EBF2: variants seen among roughly 807,000 people sequenced by gnomAD.
EBF2 encodes EBF transcription factor 2.
In EBF2, 21 loss-of-function variants were observed where a neutral mutation model predicts 72.8. The ratio of observed to expected loss-of-function variants is 0.29; its 90% CI spans 0.20 to 0.42. EBF2 has a LOEUF of 0.42. EBF2 is among the 10% of genes least tolerant of loss of function. The probability of loss-of-function intolerance (pLI) is 1.00; values close to 1 mark genes in which losing one functional copy is unlikely to be tolerated. For synonymous variants in EBF2, 299 were observed against 274.2 expected, an observed-to-expected ratio of 1.09 and a Z score of -0.89; for missense variants, 637 against 731.2, an observed-to-expected ratio of 0.87 and a Z score of 1.49.
rs761895367 is a variant in EBF2, at chr8:25,945,631, G to A, written c.552-37076C>T. Among the ~76,000 whole-genome samples the A allele has an allele frequency of 1.6e-4, 24 of 151,348 alleles. No individual in the cohort carries two copies. The Middle Eastern group carries it at 0.01, about 65-fold the overall frequency. On this transcript the variant is annotated intron_variant, in intron 6 of 15. Transcript: ENST00000520164. The stretch of plus-strand genomic sequence containing the variant: ...TCTTCTGCTTGGTCTGTTTGGTTTC[G>A]GGGGTACAATGAGAGCCTGTGGAAT...
Position 26,040,981 on chromosome 8 carries a change from T to G in EBF2, c.310A>C (p.Asn104His). 4.3e-6 allele frequency: 7 copies of G among 1,614,208 alleles called. No homozygotes were observed. Among genetic ancestry groups the G allele is most frequent in the Non-Finnish European group, 5.9e-6 (7 of 1,180,034 alleles). Reference sequence around the variant, plus strand: ...TGTAACTTGTAGTGAGTGCCGTTGTTGGTCTTCTCGTTGCCTTGTTCCTGA... The same window carrying G: ...TGTAACTTGTAGTGAGTGCCGTTGTGGGTCTTCTCGTTGCCTTGTTCCTGA... ...NDKEQGNEKT[N>H]NGTHYKLQLL... Residue 104 changes from asparagine to histidine, a missense_variant, in exon 3 of 16, where the codon AAC becomes CAC. Transcript: ENST00000520164.
chr8:25,900,400 A>G (rs1269263662), intron 7 of EBF2, among the ~76,000 whole-genome samples: 1 of 152,184 alleles, frequency 6.6e-6, no homozygotes, highest in Non-Finnish European at 1.5e-5. Context: ...CCAAGGCTGT[A>G]GTGAACCAAT....
intron 5 of EBF2, among the ~76,000 whole-genome samples, chr8:26,034,456 G>C (rs538086602): frequency 2.6e-5 from 4 of 152,134 alleles, no homozygotes; most frequent in African/African-American, 9.7e-5. Flanking sequence ...AGATCCCCTG[G>C]GGCAATTACA....
At chr8:25,895,768 A>G (rs1262862015) in intron 7 of EBF2, among the ~76,000 whole-genome samples, 1 of 152,256 alleles carries the variant, frequency 6.6e-6, no homozygotes. Flanking sequence ...ATCTGCCTGA[A>G]CAGCTAATTT....
intron 6 of EBF2, among the ~76,000 whole-genome samples, chr8:25,969,544 C>A (rs1804160856): frequency 6.6e-6 from 1 of 152,178 alleles, no homozygotes. Flanking sequence ...CGGGAGGACA[C>A]TTTCTAAACT....
chr8:25,916,651 C>A (rs547246281), intron 6 of EBF2, among the ~76,000 whole-genome samples: 4 of 151,988 alleles, frequency 2.6e-5, no homozygotes, highest in Middle Eastern at 3.4e-3. Context: ...GAAAAAAAAA[C>A]CACACATGTC....
intron 10 of EBF2, among the ~76,000 whole-genome samples, chr8:25,864,501 AACAC>A (rs72239959): frequency 0.041 from 6,185 of 149,376 alleles, 279 homozygotes; most frequent in African/African-American, 0.11. Flanking sequence ...GATACACACA[AACAC>A]ACACACACAC....
At chr8:25,920,049 A>G (rs1563400747) in intron 6 of EBF2, among the ~76,000 whole-genome samples, 1 of 152,200 alleles carries the variant, frequency 6.6e-6, no homozygotes, top group Non-Finnish European at 1.5e-5. Context: ...GCCTCAAGGA[A>G]AAAGAGCTTT....
At chr8:25,850,873 C>T (rs545850294) in intron 14 of EBF2, 112 bp from the exon 15 acceptor site, 123 of 1,268,438 alleles carry the variant, frequency 9.7e-5, no homozygotes, top group Admixed American at 2.5e-4. Flanking sequence ...TTCCAGATTG[C>T]AGGGATTAAA....
rs148319344 is a variant in EBF2 at position 25,987,190 on chromosome 8, T to C, written c.551+45895A>G. On this transcript the variant is annotated intron_variant, in intron 6 of 15. Transcript: ENST00000520164. ...GCAAAGAGTCATATTTATTGGATATTAGTTTTATATGACTTGGATAATATG... is the reference window on the plus strand; with the variant it reads ...GCAAAGAGTCATATTTATTGGATATCAGTTTTATATGACTTGGATAATATG... Among the ~76,000 whole-genome samples, 137 of 152,338 alleles carry C rather than the reference T, an allele frequency of 9.0e-4. 1 individual carries two copies. The highest frequency in any genetic ancestry group is 3.1e-3 in the African/African-American group (130 of 41,574).
In EBF2 at chr8:26,040,996, C is replaced by G. The variant is rs752180268; in HGVS notation, c.295G>C (p.Gly99Arg). 8.1e-6 allele frequency: 13 copies of G among 1,614,048 alleles called. No individual in the cohort carries two copies. The highest frequency in any genetic ancestry group is 1.1e-5 in the Non-Finnish European group (13 of 1,180,034). The change falls in exon 3 of 16, where the codon GGC becomes CGC. Residue 99 changes from glycine to arginine, a missense_variant. This residue lies in a region of EBF2 where 174 missense variants were observed against 161.9 expected (regional missense o/e 1.07). Coordinates refer to ENST00000520164, the MANE Select transcript of EBF2 (RefSeq NM_022659.4). ...GTGCCGTTGTTGGTCTTCTCGTTGC[C>G]TTGTTCCTGAAAAGACAGGCAGCGT... is the stretch of plus-strand genomic sequence containing the variant. ...VDFVENDKEQGNEKTNNGTHY... is the reference protein window; with the variant it reads ...VDFVENDKEQRNEKTNNGTHY...
chr8:25,916,557 C>T (rs1041377227), intron 6 of EBF2, among the ~76,000 whole-genome samples: 5 of 152,028 alleles, frequency 3.3e-5, no homozygotes, highest in African/African-American at 1.2e-4. Flanking sequence ...AAATCTGGTC[C>T]TCTCTGCCCT....
intron 6 of EBF2, among the ~76,000 whole-genome samples, chr8:26,014,807 A>G (rs1805081447): frequency 6.6e-6 from 1 of 152,186 alleles, no homozygotes; most frequent in African/African-American, 2.4e-5. Flanking sequence ...ACATGGGGAA[A>G]CAGTTTTCTC....
chr8:25,902,625 T>C (rs1457200772), intron 7 of EBF2, among the ~76,000 whole-genome samples: 1 of 152,136 alleles, frequency 6.6e-6, no homozygotes, highest in Non-Finnish European at 1.5e-5. Context: ...AACATATCGA[T>C]TGCCTTCAAG....
At chr8:25,884,701 A>G (rs1347774278) in intron 10 of EBF2, among the ~76,000 whole-genome samples, 1 of 152,194 alleles carries the variant, frequency 6.6e-6, no homozygotes, top group Non-Finnish European at 1.5e-5. Context: ...TGAATGAACT[A>G]TATCCCTTTG....
chr8:25,975,550 G>A (rs191379012), intron 6 of EBF2, among the ~76,000 whole-genome samples: 91 of 152,176 alleles, frequency 6.0e-4, no homozygotes, highest in Non-Finnish European at 1.2e-3. Flanking sequence ...CATATACGCT[G>A]GCTTTATTAA....
chr8:26,034,664 C>T (rs1805467073), intron 5 of EBF2, among the ~76,000 whole-genome samples: 2 of 152,230 alleles, frequency 1.3e-5, no homozygotes, highest in South Asian at 2.1e-4. Context: ...TACCTCTCAG[C>T]TCATCTCAGG....
intron 5 of EBF2, among the ~76,000 whole-genome samples, chr8:26,034,427 G>C (rs1382806571): frequency 1.3e-5 from 2 of 152,192 alleles, no homozygotes; most frequent in African/African-American, 2.4e-5. Context: ...GATAGGATTA[G>C]CTGAGAGGGA....
At chr8:25,870,478 A>AT (rs1802417474) in intron 10 of EBF2, among the ~76,000 whole-genome samples, 1 of 152,020 alleles carries the variant, frequency 6.6e-6, no homozygotes. Flanking sequence ...TCCCAAGAGC[A>AT]TTTTTGGGGG....
Sources: allele counts gnomAD v4.1 joint callset (sites outside exome capture counted in the v4.1 genomes callset), GRCh38; gene constraint gnomAD v4.1.1; regional missense constraint gnomAD v4.1.1; transcripts MANE v1.5; gene names NCBI Gene and HGNC (gene_info 2026-07-23, HGNC 2026-07-21).